SOCS7: variants seen among roughly 807,000 people sequenced by gnomAD.
SOCS7 encodes NAP-4.
A neutral mutation model predicts 58.9 loss-of-function variants in SOCS7; 18 were observed. The observed-to-expected ratio is 0.31, with a 90% CI of 0.21 to 0.45. SOCS7 has a LOEUF of 0.45. SOCS7 is among the 20% of genes least tolerant of loss of function. The pLI, the probability that SOCS7 is intolerant of heterozygous loss-of-function variation, is 1.00. For synonymous variants in SOCS7, 388 were observed against 364.3 expected, an observed-to-expected ratio of 1.06 and a Z score of -0.74; for missense variants, 667 against 837.3, an observed-to-expected ratio of 0.80 and a Z score of 2.51.
chr17:38,395,755 TGTAGGGA>T (rs1197991309), intron 8 of SOCS7, 86 bp from the exon 9 acceptor site: 171 of 1,291,074 alleles, frequency 1.3e-4, no homozygotes, highest in Non-Finnish European at 1.8e-4. Flanking sequence ...GTCTCAACCA[TGTAGGGA>T]GTGAAGAAGA....
chr17:38,372,252 A>G (rs1254053707), intron 6 of SOCS7, among the ~76,000 whole-genome samples: 2 of 152,254 alleles, frequency 1.3e-5, no homozygotes, highest in African/African-American at 2.4e-5. Context: ...ATACTAGTCT[A>G]TTTTAACATT....
intron 1 of SOCS7, among the ~76,000 whole-genome samples, chr17:38,360,200 C>CTT (rs758707127): frequency 1.4e-5 from 2 of 140,238 alleles, no homozygotes; most frequent in Non-Finnish European, 1.6e-5. Flanking sequence ...ATTTCTTTTT[C>CTT]TTTTTTTTTT....
chr17:38,353,170 A>G, intron 1 of SOCS7, 138 bp downstream of exon 1: 1 of 781,778 alleles, frequency 1.3e-6, no homozygotes, highest in East Asian at 2.7e-5. Context: ...AAAGGTGGTA[A>G]CATCTCGCAT....
chr17:38,390,321 G>A (rs1164392803), intron 7 of SOCS7, among the ~76,000 whole-genome samples: 1 of 151,978 alleles, frequency 6.6e-6, no homozygotes. Flanking sequence ...CTATAGTTTT[G>A]TAGTACTTTT....
chr17:38,383,109 C>T (rs553243549), intron 7 of SOCS7, among the ~76,000 whole-genome samples: 1 of 152,200 alleles, frequency 6.6e-6, no homozygotes, highest in Non-Finnish European at 1.5e-5. Flanking sequence ...TTAAAAAGTA[C>T]AAGTTCTGGA....
intron 1 of SOCS7, among the ~76,000 whole-genome samples, chr17:38,356,492 A>G (rs931573675): frequency 6.6e-6 from 1 of 151,746 alleles, no homozygotes; most frequent in South Asian, 2.1e-4. Flanking sequence ...ATTCTCCCGA[A>G]TAGCTGGGAC....
intron 7 of SOCS7, among the ~76,000 whole-genome samples, chr17:38,383,814 G>A (rs919173417): frequency 6.6e-6 from 1 of 152,146 alleles, no homozygotes; most frequent in African/African-American, 2.4e-5. Context: ...AAAGTGCTGG[G>A]ATTACAGGGG....
intron 7 of SOCS7, among the ~76,000 whole-genome samples, chr17:38,384,613 A>G (rs2038043975): frequency 6.7e-6 from 1 of 150,306 alleles, no homozygotes; most frequent in African/African-American, 2.5e-5. Context: ...TTTCTTTGAG[A>G]TGGAGTCTCC....
chr17:38,376,270 T>C (rs962015784), intron 6 of SOCS7, among the ~76,000 whole-genome samples: 6 of 152,050 alleles, frequency 3.9e-5, no homozygotes, highest in African/African-American at 1.4e-4. Context: ...GGGGTGCATA[T>C]ACCCACACAC....
At chr17:38,397,444 G>T (rs1318739040) in intron 9 of SOCS7, among the ~76,000 whole-genome samples, 1 of 152,202 alleles carries the variant, frequency 6.6e-6, no homozygotes, top group Non-Finnish European at 1.5e-5. Flanking sequence ...ACCTTTCCCA[G>T]TTGAGGCAGG....
intron 9 of SOCS7, among the ~76,000 whole-genome samples, chr17:38,398,897 C>G (rs1240026721): frequency 6.6e-6 from 1 of 151,968 alleles, no homozygotes; most frequent in Non-Finnish European, 1.5e-5. Flanking sequence ...TTGAGACCAG[C>G]CTGGCCAACA....
chr17:38,367,943 C>T lies in SOCS7; in HGVS notation c.1445C>T (p.Pro482Leu), dbSNP rs2037813448. 1 of 1,614,104 alleles carries T rather than the reference C, an allele frequency of 6.2e-7. No homozygotes were observed. Among genetic ancestry groups the T allele is most frequent in the Non-Finnish European group, 8.5e-7 (1 of 1,179,992 alleles). ...EDAEMKLKGK[P>L]DGSFLVRDSS... ...GCAGAGATGAAGCTGAAAGGGAAAC[C>T]AGATGGTTCTTTCCTGGTACGAGAC... Residue 482 changes from proline to leucine, a missense_variant, in exon 6 of 10, where the codon CCA becomes CTA. Transcript: ENST00000612932.
Position 38,352,953 on chromosome 17 carries a change from CCTT to C in SOCS7, c.904_906del (p.Ser302del). 6.2e-7 allele frequency: 1 copy of C among 1,607,982 alleles called. No homozygotes were observed. The highest frequency in any genetic ancestry group is 8.5e-7 in the Non-Finnish European group (1 of 1,178,520). ...CGGTGGGGATGGGACCGGCAAGAGG[CCTT>C]CTGGAGAGCTGGCTGCTTCAGCTGC... On this transcript the variant is annotated inframe_deletion, in exon 1 of 10. Transcript: ENST00000612932. The surrounding 1 kb of genome is among the most constrained non-coding windows in gnomAD (Gnocchi z 5.5).
rs1383482131 is a variant in SOCS7 at position 38,351,861 on chromosome 17, C to T, written c.-192C>T. ...GTGACGTCGGCTTGGGGGCGGTGCT[C>T]GGCGGTGGCGGAGCGCGGCCTGGGC... On this transcript the variant is annotated 5_prime_UTR_variant, in exon 1 of 10. Coordinates refer to ENST00000612932, the MANE Select transcript of SOCS7 (RefSeq NM_014598.4). Among the ~76,000 whole-genome samples the T allele has an allele frequency of 1.3e-5, 2 of 149,502 alleles. No homozygotes were observed. Among genetic ancestry groups the T allele is most frequent in the African/African-American group, 4.9e-5 (2 of 40,808 alleles).
At position 38,401,301 on chromosome 17, in the gene SOCS7, G is replaced by A. The variant is rs2038315778; in HGVS notation, c.*1819G>A. 1 of 152,082 alleles carries A rather than the reference G, an allele frequency of 6.6e-6. No homozygotes were observed. Among genetic ancestry groups the A allele is most frequent in the African/African-American group, 2.4e-5 (1 of 41,416 alleles). 9.4% of individuals were successfully genotyped at this position (152,082 alleles called of 1,614,324 possible). A position where few individuals can be genotyped will look rare whatever the true frequency, so the allele number is the denominator to read the frequency against. On this transcript the variant is annotated 3_prime_UTR_variant, in exon 10 of 10. Coordinates refer to ENST00000612932, the MANE Select transcript of SOCS7 (RefSeq NM_014598.4). ...GTAGTATTATCAACTAAGCAAGATT[G>A]TGATCCCAGAAATTGGCTTAGCATG...
Position 38,404,234 on chromosome 17 carries a change from G to A in SOCS7, c.*4752G>A, listed in dbSNP as rs2038360493. The stretch of plus-strand genomic sequence containing the variant: ...ACTGCAGTTAGGAAAGTAGCGTTAT[G>A]AGTTGTACTGAAAATGTTGATTCTC... On this transcript the variant is annotated 3_prime_UTR_variant, in exon 10 of 10. Transcript: ENST00000612932. The A allele has an allele frequency of 6.6e-6, 1 of 152,236 alleles. No homozygotes were observed. The highest frequency in any genetic ancestry group is 1.5e-5 in the Non-Finnish European group (1 of 68,054). 9.4% of individuals were successfully genotyped at this position (152,236 alleles called of 1,614,324 possible).
At chr17:38,385,785 A>C (rs1334908896) in intron 7 of SOCS7, among the ~76,000 whole-genome samples, 1 of 152,128 alleles carries the variant, frequency 6.6e-6, no homozygotes, top group African/African-American at 2.4e-5. Flanking sequence ...TTGACCTGGA[A>C]AATTTCCTTG....
intron 7 of SOCS7, among the ~76,000 whole-genome samples, chr17:38,383,945 A>G (rs1323442252): frequency 6.6e-6 from 1 of 152,200 alleles, no homozygotes; most frequent in Non-Finnish European, 1.5e-5. Flanking sequence ...GAAAGAAGCC[A>G]GGAGTCCTTT....
chr17:38,354,855 A>G (rs1042436145), intron 1 of SOCS7, among the ~76,000 whole-genome samples: 1 of 152,238 alleles, frequency 6.6e-6, no homozygotes, highest in African/African-American at 2.4e-5. Flanking sequence ...GCGTGAAATT[A>G]GCTGCTACGT....
Sources: gnomAD v4.1 joint callset for allele counts (sites outside exome capture counted in the v4.1 genomes callset) on GRCh38, gnomAD v4.1.1 for gene constraint, Gnocchi (gnomAD v3.1) non-coding constraint, MANE v1.5 for transcripts, NCBI Gene and HGNC (gene_info 2026-07-23, HGNC 2026-07-21) for gene names.